The following MYO5B variants were observed in gnomAD, a reference collection of about 807,000 sequenced individuals.
The protein encoded by MYO5B is unconventional myosin-Vb.
MYO5B carries 143 observed loss-of-function variants against 229.3 expected under a neutral mutation model. The ratio of observed to expected loss-of-function variants is 0.62; its 90% CI spans 0.54 to 0.72. The LOEUF is 0.72. Among genes scored for constraint, MYO5B ranks in the 30% least tolerant of loss-of-function variants. MYO5B has a pLI of 0.00. For missense variants in MYO5B, 2,321 were observed against 2,331.0 expected (o/e 1.00, Z 0.09); for synonymous variants, 918 against 885.2 (o/e 1.04, Z -0.66).
At chr18:50,113,802 C>T (rs2031910414) in intron 1 of MYO5B, among the ~76,000 whole-genome samples, 1 of 152,216 alleles carries the variant, frequency 6.6e-6, no homozygotes, top group East Asian at 1.9e-4. Context: ...GTGACTCAGG[C>T]TGCTGTTCTT....
chr18:49,884,821 G>A (rs1299607343), intron 22 of MYO5B, among the ~76,000 whole-genome samples: 3 of 152,010 alleles, frequency 2.0e-5, no homozygotes, highest in Non-Finnish European at 4.4e-5. Flanking sequence ...TTTTAAAAAC[G>A]GGCAAAGAAC....
chr18:49,826,728 C>A, intron 39 of MYO5B, 105 bp from the exon 40 acceptor site: 1 of 1,353,030 alleles, frequency 7.4e-7, no homozygotes, highest in Admixed American at 1.7e-5. Flanking sequence ...AAGATTTCTA[C>A]GACAATTAGG....
chr18:50,129,811 A>G (rs537569259), intron 1 of MYO5B, among the ~76,000 whole-genome samples: 1 of 152,306 alleles, frequency 6.6e-6, no homozygotes, highest in African/African-American at 2.4e-5. Flanking sequence ...AAATCATGGG[A>G]CTAGTACAGG....
intron 4 of MYO5B, among the ~76,000 whole-genome samples, chr18:50,009,765 A>T (rs142999084): frequency 6.6e-6 from 1 of 152,342 alleles, no homozygotes; most frequent in Non-Finnish European, 1.5e-5. Flanking sequence ...CTGCTGCAAG[A>T]AGGGGCTGGG....
At chr18:50,192,058 T>C (rs1323152420) in intron 1 of MYO5B, among the ~76,000 whole-genome samples, 2 of 123,160 alleles carry the variant, frequency 1.6e-5, no homozygotes, top group Non-Finnish European at 3.3e-5. Flanking sequence ...CAGCAGACCA[T>C]CCACACCCAT....
chr18:49,937,190 G>C (rs367774854), intron 15 of MYO5B, 55 bp downstream of exon 15: 15 of 1,603,340 alleles, frequency 9.4e-6, no homozygotes, highest in African/African-American at 8.0e-5. Context: ...TTCATCTACA[G>C]AGAGGCCAGC....
chr18:49,977,214 A>T (rs1225949370), intron 9 of MYO5B, among the ~76,000 whole-genome samples: 1 of 152,122 alleles, frequency 6.6e-6, no homozygotes. Flanking sequence ...AACATCGTAC[A>T]ATTACATTTA....
intron 2 of MYO5B, among the ~76,000 whole-genome samples, chr18:50,051,433 T>G (rs184344001): frequency 1.0e-3 from 155 of 152,166 alleles, no homozygotes; most frequent in African/African-American, 3.3e-3. Flanking sequence ...GAAATTTAAA[T>G]TAAAAACCAT....
chr18:49,833,308 G>A (rs944542805), intron 39 of MYO5B, among the ~76,000 whole-genome samples: 3 of 152,136 alleles, frequency 2.0e-5, no homozygotes, highest in Admixed American at 1.3e-4. Context: ...AGCCCAGAGC[G>A]CCCAAGCAAT....
chr18:49,893,309 A>G (rs1331024249), intron 22 of MYO5B, among the ~76,000 whole-genome samples: 2 of 152,228 alleles, frequency 1.3e-5, no homozygotes, highest in Non-Finnish European at 2.9e-5. Context: ...TCCCAGGGTC[A>G]CTAGTCTCAG....
chr18:49,887,491 C>T (rs773789595), intron 22 of MYO5B, among the ~76,000 whole-genome samples: 60 of 151,992 alleles, frequency 3.9e-4, no homozygotes, highest in Non-Finnish European at 6.8e-4. Context: ...TGTTTAAAAA[C>T]ATGTGGCACC....
chr18:50,066,212 T>C (rs1184849874), intron 1 of MYO5B, among the ~76,000 whole-genome samples: 1 of 152,238 alleles, frequency 6.6e-6, no homozygotes, highest in Non-Finnish European at 1.5e-5. Context: ...TCTTGCAATG[T>C]GCATAACCCC....
intron 17 of MYO5B, among the ~76,000 whole-genome samples, chr18:49,923,043 G>T (rs2025091787): frequency 6.6e-6 from 1 of 152,140 alleles, no homozygotes; most frequent in Non-Finnish European, 1.5e-5. Flanking sequence ...AATCACACCT[G>T]GTCTCTCAGC....
intron 1 of MYO5B, 139 bp from the exon 2 acceptor site, chr18:50,055,517 A>G: frequency 1.4e-6 from 1 of 709,806 alleles, no homozygotes; most frequent in East Asian, 2.7e-5. Flanking sequence ...TCATTTCAGG[A>G]CACAACGTGA....
At chr18:50,185,008 G>T (rs1469563000) in intron 1 of MYO5B, among the ~76,000 whole-genome samples, 1 of 152,028 alleles carries the variant, frequency 6.6e-6, no homozygotes, top group Non-Finnish European at 1.5e-5. Flanking sequence ...CTAGGAGATT[G>T]AGGCTGTAGT....
intron 14 of MYO5B, among the ~76,000 whole-genome samples, chr18:49,939,626 C>T (rs2025292024): frequency 6.6e-6 from 1 of 152,204 alleles, no homozygotes; most frequent in Non-Finnish European, 1.5e-5. Context: ...CTGCTCCAAC[C>T]TCTGTTCCCT....
chr18:50,100,864 G>T (rs1290408986), intron 1 of MYO5B, among the ~76,000 whole-genome samples: 1 of 152,210 alleles, frequency 6.6e-6, no homozygotes, highest in Admixed American at 6.5e-5. Flanking sequence ...GGAGCCAGCA[G>T]CATCACCCGA....
intron 25 of MYO5B, among the ~76,000 whole-genome samples, chr18:49,877,325 TTC>T (rs1375789453): frequency 1.3e-5 from 2 of 152,228 alleles, no homozygotes; most frequent in African/African-American, 4.8e-5. Context: ...TTTTTTGTTG[TTC>T]TGAGTTTTAT....
In MYO5B at chr18:50,001,294, G is replaced by A; in HGVS notation, c.573C>T (p.Asn191=). The A allele has an allele frequency of 6.2e-7, 1 of 1,614,210 alleles. No individual in the cohort carries two copies. The change falls in exon 5 of 40, where the codon AAC becomes AAT. Residue 191 remains asparagine (N), a synonymous_variant. Transcript: ENST00000285039. The part of the protein sequence containing the change: ...ATVGGSASET[N]IEEKVLASSP... Reference sequence around the variant, plus strand: ...TGGATGCCAGCACCTTCTCTTCGATGTTGGTTTCACTGGCCGAGCCACCAA... The same window carrying A: ...TGGATGCCAGCACCTTCTCTTCGATATTGGTTTCACTGGCCGAGCCACCAA...
Sources: allele counts gnomAD v4.1 joint callset (sites outside exome capture counted in the v4.1 genomes callset), GRCh38; gene constraint gnomAD v4.1.1; transcripts MANE v1.5; gene names NCBI Gene and HGNC (gene_info 2026-07-23, HGNC 2026-07-21).